CHODL: variants seen among roughly 807,000 people sequenced by gnomAD.
The protein encoded by CHODL is chondrolectin, also known as transmembrane protein MT75.
A neutral mutation model predicts 34.5 loss-of-function variants in CHODL; 29 were observed. That is an observed-to-expected ratio of 0.84 (90% confidence interval 0.63 to 1.15). The LOEUF (loss-of-function observed/expected upper bound fraction) is 1.15, where lower values mean the gene tolerates loss of function less well. Ranked by LOEUF, CHODL falls within the 50% of genes most tolerant of loss-of-function variation. The probability of loss-of-function intolerance (pLI) is 0.00; values close to 1 mark genes in which losing one functional copy is unlikely to be tolerated. For missense variants in CHODL, 332 were observed against 332.5 expected (o/e 1.00, Z 0.01); for synonymous variants, 125 against 116.1 (o/e 1.08, Z -0.49).
chr21:17,992,949 G>A lies in CHODL; in HGVS notation c.-144-34923G>A, dbSNP rs532845825. Among the ~76,000 whole-genome samples the A allele has an allele frequency of 7.2e-5, 11 of 151,996 alleles. No homozygotes were observed. In the South Asian group the frequency reaches 1.9e-3, roughly 26 times the overall value. ...ACCACAGGTGTGAGCCACGGCGCCC[G>A]GCCGAGGGTTTTTATTTGTATATAA... On this transcript the variant is annotated intron_variant, in intron 1 of 6. Coordinates refer to the CHODL transcript ENST00000400127.
intron 2 of CHODL, among the ~76,000 whole-genome samples, chr21:18,223,652 G>A (rs1208704789): frequency 6.6e-6 from 1 of 151,992 alleles, no homozygotes; most frequent in Admixed American, 6.6e-5. Context: ...TTCTCCCGTC[G>A]TTCTCTCATT....
chr21:18,027,901 C>G (rs1174824723), exon 2 of CHODL: 1 of 152,562 alleles, frequency 6.6e-6, no homozygotes, highest in African/African-American at 2.4e-5. Context: ...CATCTGTAGA[C>G]CAGGAGGTGG....
At chr21:18,264,616 A>G (rs2074427824) in intron 5 of CHODL, among the ~76,000 whole-genome samples, 1 of 151,488 alleles carries the variant, frequency 6.6e-6, no homozygotes. Context: ...AAAAAAAAAA[A>G]AAAAAAAAGA....
chr21:18,040,485 A>G (rs1488404308), intron 2 of CHODL, among the ~76,000 whole-genome samples: 1 of 151,848 alleles, frequency 6.6e-6, no homozygotes, highest in Admixed American at 6.6e-5. Context: ...TACTGTTGAG[A>G]TTTATGGTGA....
chr21:18,127,676 T>TTTTG (rs2072590985), intron 2 of CHODL, among the ~76,000 whole-genome samples: 1 of 111,480 alleles, frequency 9.0e-6, no homozygotes, highest in Non-Finnish European at 1.8e-5. Flanking sequence ...GCCATTGTTT[T>TTTTG]TTTTTTTTTT....
intron 1 of CHODL, among the ~76,000 whole-genome samples, chr21:18,024,450 G>T (rs1339913721): frequency 6.6e-6 from 1 of 152,158 alleles, no homozygotes; most frequent in African/African-American, 2.4e-5. Context: ...ATATACATAT[G>T]AAAACATAAA....
At chr21:18,245,586 C>T (rs1279472514) in intron 1 of CHODL, among the ~76,000 whole-genome samples, 1 of 152,160 alleles carries the variant, frequency 6.6e-6, no homozygotes, top group African/African-American at 2.4e-5. Context: ...GTGATTTCCA[C>T]TTTCTTTGTG....
At chr21:18,083,250 G>A (rs543104877) in intron 2 of CHODL, among the ~76,000 whole-genome samples, 1 of 152,346 alleles carries the variant, frequency 6.6e-6, no homozygotes, top group East Asian at 1.9e-4. Flanking sequence ...TGGGCCTGTG[G>A]GTGCACAGAA....
chr21:18,200,267 CAT>C lies in CHODL; in HGVS notation c.-44-56240_-44-56239del, dbSNP rs535027135. Among the ~76,000 whole-genome samples the C allele has an allele frequency of 6.6e-5, 10 of 152,190 alleles. No homozygotes were observed. The South Asian group carries it at 1.9e-3, about 28-fold the overall frequency. ...AAATACAAAAAGTAAAAATTGTAGA[CAT>C]AGTTATATCTAAAGAATTATACTGA... is the stretch of plus-strand genomic sequence containing the variant. On this transcript the variant is annotated intron_variant, in intron 2 of 6. Coordinates refer to the CHODL transcript ENST00000400127.
At chr21:18,175,987 T>G (rs1247888268) in intron 2 of CHODL, among the ~76,000 whole-genome samples, 1 of 152,226 alleles carries the variant, frequency 6.6e-6, no homozygotes, top group Admixed American at 6.5e-5. Context: ...CTAATTTTGT[T>G]AAGTGTTTTA....
rs4816765 is a variant in CHODL, at chr21:18,151,259, G to A, written c.-44-105250G>A. Among the ~76,000 whole-genome samples the A allele has an allele frequency of 6.4e-3, 981 of 152,202 alleles. 21 individuals are homozygous for A. The highest frequency in any genetic ancestry group is 0.041 in the Admixed American group (629 of 15,294). The stretch of plus-strand genomic sequence containing the variant: ...CTTGCCGGGTTTCCCGCTTAGCCTA[G>A]TATTAGATCATACTCTTTTTATCCA... On this transcript the variant is annotated intron_variant, in intron 2 of 6. Transcript: ENST00000400127.
At chr21:18,138,054 C>G (rs1735280) in intron 2 of CHODL, among the ~76,000 whole-genome samples, 11,901 of 152,044 alleles carry the variant, frequency 0.078, 1,481 homozygotes, top group African/African-American at 0.26. Flanking sequence ...TATGTATTGT[C>G]AGGTTCATTT....
At chr21:18,116,898 A>G (rs1491772) in intron 2 of CHODL, among the ~76,000 whole-genome samples, 57,250 of 152,100 alleles carry the variant, frequency 0.38, 12,472 homozygotes, top group East Asian at 0.78. Flanking sequence ...ATGAATGAGC[A>G]AGGATGCTAA....
At chr21:18,053,921 C>T (rs2064547228) in intron 2 of CHODL, among the ~76,000 whole-genome samples, 1 of 144,654 alleles carries the variant, frequency 6.9e-6, no homozygotes. Context: ...TGATATATGA[C>T]ATAAATGTGT....
At chr21:18,185,955 T>C (rs904267804) in intron 2 of CHODL, among the ~76,000 whole-genome samples, 4 of 152,094 alleles carry the variant, frequency 2.6e-5, no homozygotes, top group African/African-American at 9.7e-5. Flanking sequence ...TCTAATACCA[T>C]CGCCTTAGTG....
intron 2 of CHODL, among the ~76,000 whole-genome samples, chr21:18,138,252 T>G (rs1451941510): frequency 1.3e-5 from 2 of 152,142 alleles, no homozygotes; most frequent in Non-Finnish European, 2.9e-5. Context: ...TTATATATTT[T>G]GGAATTTGAT....
intron 2 of CHODL, among the ~76,000 whole-genome samples, chr21:18,128,296 C>CAAAAAAAA (rs71189585): frequency 1.1e-4 from 3 of 28,058 alleles, no homozygotes; most frequent in Non-Finnish European, 1.9e-4. Context: ...GCAAGAGTCT[C>CAAAAAAAA]AAAAAAAAAA....
chr21:18,256,791 G>T lies in CHODL; in HGVS notation c.362G>T (p.Trp121Leu), dbSNP rs756414774. The change falls in exon 2 of 6, where the codon TGG (tryptophan) becomes TTG (leucine). Residue 121 changes from tryptophan to leucine, a missense_variant. Physicochemically the swap from Trp to Leu is moderately conservative, Grantham distance 61 (BLOSUM62 -2). Transcript: ENST00000299295. ...GGTGCCTGCCCAGATCTCTACCAGT[G>T]GTCTGATGGAAGCAATTCCCAGTAC... ...TSGACPDLYQ[W>L]SDGSNSQYRN... The T allele has an allele frequency of 4.3e-6, 7 of 1,613,922 alleles. No individual in the cohort carries two copies. In the Admixed American group the frequency reaches 1.0e-4, roughly 23 times the overall value.
chr21:18,251,778 A>G (rs2074259795), intron 1 of CHODL, among the ~76,000 whole-genome samples: 1 of 142,814 alleles, frequency 7.0e-6, no homozygotes, highest in South Asian at 2.1e-4. Flanking sequence ...ATAAATATTT[A>G]TATACTTTAT....
Sources: gnomAD v4.1 joint callset for allele counts (sites outside exome capture counted in the v4.1 genomes callset) on GRCh38, gnomAD v4.1.1 for gene constraint, MANE v1.5 for transcripts, NCBI Gene and HGNC (gene_info 2026-07-23, HGNC 2026-07-21) for gene names.